HDAC9: variants seen among roughly 807,000 people sequenced by gnomAD.
HDAC9 encodes histone deacetylase 9.
In HDAC9, 41 loss-of-function variants were observed where a neutral mutation model predicts 139.4. The observed-to-expected ratio is 0.29, with a 90% CI of 0.23 to 0.38. HDAC9 has a LOEUF of 0.38. Ranked by LOEUF, HDAC9 falls within the 10% of genes least tolerant of loss-of-function variation. The pLI, the probability that HDAC9 is intolerant of heterozygous loss-of-function variation, is 1.00. For missense variants in HDAC9, 1,147 were observed against 1,297.0 expected, an observed-to-expected ratio of 0.88 and a Z score of 1.78; for synonymous variants, 517 against 476.2, an observed-to-expected ratio of 1.09 and a Z score of -1.12.
intron 1 of HDAC9, among the ~76,000 whole-genome samples, chr7:18,132,233 A>G (rs1034175773): frequency 2.0e-5 from 3 of 152,142 alleles, no homozygotes; most frequent in African/African-American, 7.2e-5. Context: ...GTAGCTTCCA[A>G]AATCCATGAT....
chr7:18,364,291 C>T (rs972235064), intron 1 of HDAC9, among the ~76,000 whole-genome samples: 7 of 151,898 alleles, frequency 4.6e-5, no homozygotes, highest in South Asian at 2.1e-4. Context: ...ATCTTTAAAG[C>T]GAAAAATTTC....
intron 2 of HDAC9, among the ~76,000 whole-genome samples, chr7:18,206,962 T>A (rs1054708536): frequency 6.6e-6 from 1 of 151,248 alleles, no homozygotes; most frequent in African/African-American, 2.4e-5. Context: ...TTGAGGCAGG[T>A]TCTCACTTGG....
At chr7:18,336,371 C>T (rs1781583823) in intron 1 of HDAC9, among the ~76,000 whole-genome samples, 1 of 151,536 alleles carries the variant, frequency 6.6e-6, no homozygotes, top group African/African-American at 2.4e-5. Flanking sequence ...AACCACTGAC[C>T]CAAATGCAGT....
chr7:18,792,477 T>C (rs1232293177), intron 16 of HDAC9, among the ~76,000 whole-genome samples: 1 of 152,106 alleles, frequency 6.6e-6, no homozygotes, highest in African/African-American at 2.4e-5. Context: ...ATATGATAAT[T>C]ATAAACCACC....
intron 8 of HDAC9, 106 bp from the exon 9 acceptor site, chr7:18,644,564 TA>T (rs1786755682): frequency 2.3e-6 from 2 of 851,738 alleles, no homozygotes; most frequent in African/African-American, 1.7e-5. Context: ...AATAAATACT[TA>T]AAATCTTTTC....
chr7:18,985,574 G>T (rs1785280151), intron 25 of HDAC9, among the ~76,000 whole-genome samples: 1 of 150,376 alleles, frequency 6.6e-6, no homozygotes. Flanking sequence ...TAGTCCTTTG[G>T]GTATATACCC....
intron 2 of HDAC9, among the ~76,000 whole-genome samples, chr7:18,269,369 A>C (rs982500109): frequency 6.6e-6 from 1 of 152,184 alleles, no homozygotes; most frequent in African/African-American, 2.4e-5. Context: ...TTTCCAAGCA[A>C]TTGAGCAGGT....
At chr7:18,971,385 C>T (rs1035429078) in intron 24 of HDAC9, among the ~76,000 whole-genome samples, 15 of 152,174 alleles carry the variant, frequency 9.9e-5, no homozygotes, top group African/African-American at 3.4e-4. Context: ...AGTTGTGGCT[C>T]ATTACTAATA....
chr7:18,797,911 T>C (rs1275265935), intron 17 of HDAC9, among the ~76,000 whole-genome samples: 1 of 152,130 alleles, frequency 6.6e-6, no homozygotes, highest in Non-Finnish European at 1.5e-5. Flanking sequence ...TTATCGAATA[T>C]ATTCTTCTTC....
At chr7:18,959,954 T>A (rs1163340466) in intron 24 of HDAC9, among the ~76,000 whole-genome samples, 1 of 151,900 alleles carries the variant, frequency 6.6e-6, no homozygotes, top group Admixed American at 6.6e-5. Flanking sequence ...CAGGAGCAAT[T>A]TCCATGTTTC....
At chr7:18,303,044 G>C (rs1053425540) in intron 1 of HDAC9, among the ~76,000 whole-genome samples, 76 of 151,854 alleles carry the variant, frequency 5.0e-4, no homozygotes, top group Admixed American at 1.4e-3. Context: ...TGATTTTACT[G>C]GATGCAGTAG....
intron 12 of HDAC9, among the ~76,000 whole-genome samples, chr7:18,691,995 T>C (rs1584853600): frequency 1.3e-5 from 2 of 152,062 alleles, no homozygotes; most frequent in South Asian, 4.1e-4. Context: ...CTTGGCCACT[T>C]ACAAGTCTCA....
intron 6 of HDAC9, among the ~76,000 whole-genome samples, chr7:18,624,631 C>T (rs376289058): frequency 1.3e-5 from 2 of 151,936 alleles, no homozygotes; most frequent in Admixed American, 1.3e-4. Context: ...GGATTTGCAT[C>T]CCATTAGTAA....
intron 13 of HDAC9, among the ~76,000 whole-genome samples, chr7:18,733,713 G>T (rs548646495): frequency 6.6e-6 from 1 of 151,298 alleles, no homozygotes; most frequent in South Asian, 2.1e-4. Context: ...ATATTTTTTT[G>T]GGGGTATGCT....
chr7:18,763,309 A>G (rs1010572717), intron 15 of HDAC9, among the ~76,000 whole-genome samples: 3 of 152,230 alleles, frequency 2.0e-5, no homozygotes, highest in East Asian at 1.9e-4. Context: ...ACAAGTGGCA[A>G]GCATCTCTTA....
At chr7:18,488,096 T>C (rs1354822500) in intron 1 of HDAC9, among the ~76,000 whole-genome samples, 1 of 152,032 alleles carries the variant, frequency 6.6e-6, no homozygotes, top group East Asian at 1.9e-4. Flanking sequence ...TGCTAATCCT[T>C]AACTGGACTT....
At chr7:18,820,333 A>T (rs1167545678) in intron 17 of HDAC9, among the ~76,000 whole-genome samples, 1 of 152,190 alleles carries the variant, frequency 6.6e-6, no homozygotes, top group African/African-American at 2.4e-5. Context: ...ATAATATAGA[A>T]CACATCTTTA....
intron 1 of HDAC9, among the ~76,000 whole-genome samples, chr7:18,114,130 G>A (rs1003175626): frequency 6.6e-6 from 1 of 152,168 alleles, no homozygotes; most frequent in Non-Finnish European, 1.5e-5. Flanking sequence ...TGGTCCTTGT[G>A]TTTGTTGATT....
chr7:18,290,632 C>A, intron 1 of HDAC9: 1 of 423,422 alleles, frequency 2.4e-6, no homozygotes, highest in Non-Finnish European at 4.8e-6. Context: ...GAAAGATAAA[C>A]TTGTCATGCG....
Sources: allele counts gnomAD v4.1 joint callset (sites outside exome capture counted in the v4.1 genomes callset), GRCh38; gene constraint gnomAD v4.1.1; transcripts MANE v1.5; gene names NCBI Gene and HGNC (gene_info 2026-07-23, HGNC 2026-07-21).